Variants in ACOT12 observed in about 807,000 individuals in gnomAD.
ACOT12 encodes the protein acetyl-coenzyme A thioesterase.
Under a neutral mutation model 67.7 loss-of-function variants are expected in ACOT12, and 51 were observed. That is an observed-to-expected ratio of 0.75 (90% confidence interval 0.60 to 0.95). The LOEUF is 0.95. ACOT12 is among the 40% of genes least tolerant of loss of function. The pLI is 0.00. For missense variants in ACOT12, 734 were observed against 708.1 expected, an observed-to-expected ratio of 1.04 and a Z score of -0.41; for synonymous variants, 251 against 244.6, an observed-to-expected ratio of 1.03 and a Z score of -0.24.
In ACOT12 at chr5:81,359,922, C is replaced by T. The variant is rs138552293; in HGVS notation, c.477G>A (p.Lys159=). 2.6e-4 allele frequency: 421 copies of T among 1,606,604 alleles called. 1 individual carries two copies. The African/African-American group carries it at 4.6e-3, about 18-fold the overall frequency. ...QHEDTFNNLM[K]ESSKFDDLIF... ...ACTGACCATCAAATTTGCTACTTTCCTTCATTAAATTGTTAAAGGTATCTT... is the reference window on the plus strand; with the variant it reads ...ACTGACCATCAAATTTGCTACTTTCTTTCATTAAATTGTTAAAGGTATCTT... Residue 159 remains lysine, a synonymous_variant, in exon 5 of 15, where the codon AAG becomes AAA. Coordinates refer to ENST00000307624, the MANE Select transcript of ACOT12 (RefSeq NM_130767.3).
chr5:81,312,054 C>T, the ACOT12 span, among the ~76,000 whole-genome samples: 1 of 152,112 alleles, frequency 6.6e-6, no homozygotes, highest in Non-Finnish European at 1.5e-5. Context: ...ACAAGCTTGT[C>T]TAGAAGATAG....
At chr5:81,317,076 T>C in the ACOT12 span, among the ~76,000 whole-genome samples, 42 of 152,360 alleles carry the variant, frequency 2.8e-4, no homozygotes, top group South Asian at 8.1e-3. Context: ...TCTTATCTGA[T>C]TTTTCTTTTT....
At chr5:81,385,879 C>G in intron 1 of ACOT12, 53 bp from the exon 2 acceptor site, 1 of 1,526,770 alleles carries the variant, frequency 6.5e-7, no homozygotes, top group East Asian at 2.3e-5. Context: ...GAGAATATTT[C>G]AGTATAAGGG....
chr5:81,308,785 C>A, the ACOT12 span: 1 of 1,534,716 alleles, frequency 6.5e-7, no homozygotes. Flanking sequence ...ATTTTTTTAA[C>A]ACAATTTGTT....
At chr5:81,340,652 G>A (rs907021724) in intron 11 of ACOT12, among the ~76,000 whole-genome samples, 11 of 152,268 alleles carry the variant, frequency 7.2e-5, no homozygotes, top group African/African-American at 2.2e-4. Context: ...CAGCCACTGA[G>A]CCTGGCCCAA....
chr5:81,338,145 GC>G (rs924476121), intron 11 of ACOT12, among the ~76,000 whole-genome samples: 1 of 152,170 alleles, frequency 6.6e-6, no homozygotes, highest in African/African-American at 2.4e-5. Context: ...ATAAAGGCCA[GC>G]TTTTGCTTAG....
chr5:81,317,279 A>G, the ACOT12 span, among the ~76,000 whole-genome samples: 3 of 152,172 alleles, frequency 2.0e-5, no homozygotes, highest in Non-Finnish European at 4.4e-5. Flanking sequence ...AGGTGGGCGG[A>G]TCACCTGAGG....
At chr5:81,370,290 CA>C (rs202067104) in intron 3 of ACOT12, among the ~76,000 whole-genome samples, 1 of 150,622 alleles carries the variant, frequency 6.6e-6, no homozygotes, top group African/African-American at 2.4e-5. Flanking sequence ...AAAGCAAAAA[CA>C]AAAAAAAAGA....
At chr5:81,349,051 A>T (rs1413997385) in intron 5 of ACOT12, among the ~76,000 whole-genome samples, 1 of 152,140 alleles carries the variant, frequency 6.6e-6, no homozygotes, top group Non-Finnish European at 1.5e-5. Flanking sequence ...GGGGGAAAGG[A>T]TTTACAAACT....
intron 3 of ACOT12, among the ~76,000 whole-genome samples, chr5:81,364,617 C>G (rs1760019378): frequency 6.6e-6 from 1 of 152,034 alleles, no homozygotes; most frequent in South Asian, 2.1e-4. Context: ...TTAGTACAGA[C>G]AAGATTTCAC....
chr5:81,352,967 G>A (rs775107149), intron 5 of ACOT12, among the ~76,000 whole-genome samples: 2 of 151,996 alleles, frequency 1.3e-5, no homozygotes, highest in Non-Finnish European at 2.9e-5. Flanking sequence ...CTTTTTATGC[G>A]TTTTGCATTT....
At chr5:81,342,270 C>T (rs915018497) in intron 11 of ACOT12, among the ~76,000 whole-genome samples, 64 of 152,246 alleles carry the variant, frequency 4.2e-4, no homozygotes, top group African/African-American at 1.4e-3. Context: ...GGATTACAGA[C>T]GTGAGCCAGC....
At chr5:81,323,310 C>T in the ACOT12 span, among the ~76,000 whole-genome samples, 1 of 152,158 alleles carries the variant, frequency 6.6e-6, no homozygotes, top group Non-Finnish European at 1.5e-5. Context: ...GACAGCCCTG[C>T]AAAACCTAGC....
At chr5:81,315,126 C>T in the ACOT12 span, among the ~76,000 whole-genome samples, 1 of 152,216 alleles carries the variant, frequency 6.6e-6, no homozygotes, top group Non-Finnish European at 1.5e-5. Context: ...GTCTTTTCAC[C>T]TGCCTCCTGA....
At position 81,393,912 on chromosome 5, in the gene ACOT12, C is replaced by CT. The variant is rs948336702; in HGVS notation, c.127+75_127+76insA. The CT allele has an allele frequency of 1.4e-5, 12 of 873,190 alleles. No individual in the cohort carries two copies. In the African/African-American group the frequency reaches 4.0e-4, roughly 29 times the overall value. 54.1% of individuals were successfully genotyped at this position (873,190 alleles called of 1,614,324 possible). On this transcript the variant is annotated intron_variant, in intron 1 of 14. Coordinates refer to ENST00000307624, the MANE Select transcript of ACOT12 (RefSeq NM_130767.3). ...CGCAAGTACCTTCCTCGCCTTCCTA[C>CT]CCCCCCCAGCCCCCAGCCGCCGCCG...
the ACOT12 span, among the ~76,000 whole-genome samples, chr5:81,323,683 C>T: frequency 6.6e-5 from 10 of 151,860 alleles, no homozygotes; most frequent in Non-Finnish European, 1.2e-4. Flanking sequence ...GAGACTGTGG[C>T]TCTTACCCTG....
chr5:81,309,482 A>G, the ACOT12 span, among the ~76,000 whole-genome samples: 2 of 152,196 alleles, frequency 1.3e-5, no homozygotes, highest in Admixed American at 1.3e-4. Context: ...TTTGTCTGGT[A>G]TGGGATCATG....
intron 2 of ACOT12, among the ~76,000 whole-genome samples, chr5:81,376,763 C>T (rs958040891): frequency 6.6e-6 from 1 of 152,146 alleles, no homozygotes; most frequent in African/African-American, 2.4e-5. Context: ...TTCCTGGACA[C>T]ATAAACCCTC....
intron 3 of ACOT12, among the ~76,000 whole-genome samples, chr5:81,365,792 T>C (rs964585538): frequency 6.6e-6 from 1 of 152,134 alleles, no homozygotes; most frequent in Non-Finnish European, 1.5e-5. Flanking sequence ...CTGAAGGTAA[T>C]TTACGGTTAG....
Sources: allele counts gnomAD v4.1 joint callset (sites outside exome capture counted in the v4.1 genomes callset), GRCh38; gene constraint gnomAD v4.1.1; transcripts MANE v1.5; gene names NCBI Gene and HGNC (gene_info 2026-07-23, HGNC 2026-07-21).